The following WWOX variants were observed in gnomAD, a reference collection of about 807,000 sequenced individuals.
WWOX encodes the protein WW domain containing oxidoreductase.
A neutral mutation model predicts 46.2 loss-of-function variants in WWOX; 69 were observed. The observed-to-expected ratio is 1.49, with a 90% CI of 1.23 to 1.82. The LOEUF (loss-of-function observed/expected upper bound fraction) is 1.82. Among genes scored for constraint, WWOX ranks in the 40% most tolerant of loss-of-function variants. The pLI, the probability that WWOX is intolerant of heterozygous loss-of-function variation, is 0.00. For missense variants in WWOX, 919 were observed against 542.6 expected (o/e 1.69, Z -6.89); for synonymous variants, 359 against 202.6 (o/e 1.77, Z -6.56).
intron 8 of WWOX, among the ~76,000 whole-genome samples, chr16:79,167,981 A>C (rs908196525): frequency 6.6e-6 from 1 of 152,198 alleles, no homozygotes; most frequent in African/African-American, 2.4e-5. Context: ...ATCAAAGAAT[A>C]TGTGACCTTT....
chr16:78,715,495 G>C (rs1243972860), intron 8 of WWOX, among the ~76,000 whole-genome samples: 9 of 82,996 alleles, frequency 1.1e-4, no homozygotes, highest in African/African-American at 4.1e-4. Flanking sequence ...TTTTGTTTTT[G>C]TTTTTTAAGA....
At chr16:78,555,940 A>G (rs1173486171) in intron 8 of WWOX, among the ~76,000 whole-genome samples, 1 of 152,188 alleles carries the variant, frequency 6.6e-6, no homozygotes, top group Non-Finnish European at 1.5e-5. Context: ...TGTGATAATA[A>G]TAAATCGCTG....
At chr16:78,234,369 A>G (rs924719362) in intron 5 of WWOX, among the ~76,000 whole-genome samples, 1 of 152,194 alleles carries the variant, frequency 6.6e-6, no homozygotes, top group African/African-American at 2.4e-5. Flanking sequence ...GTGATATATC[A>G]TATGAATATA....
At chr16:78,447,252 A>G (rs1306570586) in intron 8 of WWOX, among the ~76,000 whole-genome samples, 1 of 152,212 alleles carries the variant, frequency 6.6e-6, no homozygotes, top group Non-Finnish European at 1.5e-5. Context: ...GTAACTCTGT[A>G]CATTTACTCC....
chr16:79,035,463 T>C (rs1174450131), intron 8 of WWOX, among the ~76,000 whole-genome samples: 2 of 151,934 alleles, frequency 1.3e-5, no homozygotes, highest in Admixed American at 6.6e-5. Flanking sequence ...AAGTGGAAGG[T>C]GTACTCCGGC....
At chr16:79,022,744 C>A (rs538396051) in intron 8 of WWOX, among the ~76,000 whole-genome samples, 1 of 152,182 alleles carries the variant, frequency 6.6e-6, no homozygotes, top group Admixed American at 6.5e-5. Context: ...AGTGGCCCCC[C>A]ACCAAGCCCG....
chr16:78,587,367 T>C (rs912340738), intron 8 of WWOX, among the ~76,000 whole-genome samples: 4 of 151,966 alleles, frequency 2.6e-5, no homozygotes, highest in African/African-American at 9.7e-5. Flanking sequence ...AAATAAAATT[T>C]CAGAGAAAGC....
intron 5 of WWOX, among the ~76,000 whole-genome samples, chr16:78,359,849 G>C (rs1044552497): frequency 2.0e-5 from 3 of 152,136 alleles, no homozygotes; most frequent in African/African-American, 7.2e-5. Context: ...GGTGACTATG[G>C]ACTTAATTTT....
chr16:78,861,154 C>T (rs1212849122), intron 8 of WWOX, among the ~76,000 whole-genome samples: 1 of 152,086 alleles, frequency 6.6e-6, no homozygotes, highest in Non-Finnish European at 1.5e-5. Context: ...CCTTTCCTCC[C>T]TCTCTCTCTT....
intron 8 of WWOX, among the ~76,000 whole-genome samples, chr16:78,600,589 G>T (rs1158998287): frequency 6.6e-6 from 1 of 152,128 alleles, no homozygotes; most frequent in Non-Finnish European, 1.5e-5. Flanking sequence ...AGTCCAGAGA[G>T]GTGAAGGACC....
At chr16:79,033,822 G>A (rs1235623873) in intron 8 of WWOX, among the ~76,000 whole-genome samples, 1 of 152,368 alleles carries the variant, frequency 6.6e-6, no homozygotes, top group Admixed American at 6.5e-5. Flanking sequence ...AGTGTGTGAT[G>A]TGTTCTTTTG....
intron 8 of WWOX, among the ~76,000 whole-genome samples, chr16:79,206,937 G>C (rs965287717): frequency 2.6e-5 from 4 of 152,178 alleles, no homozygotes; most frequent in Non-Finnish European, 5.9e-5. Flanking sequence ...TTTTGGAGCA[G>C]TTTGCTTTCA....
intron 8 of WWOX, among the ~76,000 whole-genome samples, chr16:78,914,816 T>C (rs79488959): frequency 3.6e-4 from 53 of 148,134 alleles, no homozygotes; most frequent in African/African-American, 1.2e-3. Context: ...GAGGCGGAGC[T>C]TGCAGTGAGC....
chr16:78,754,281 G>C (rs939460715), intron 8 of WWOX, among the ~76,000 whole-genome samples: 9 of 152,042 alleles, frequency 5.9e-5, no homozygotes, highest in Admixed American at 2.0e-4. Flanking sequence ...CCACTGATGA[G>C]CAATCAGTGA....
intron 6 of WWOX, among the ~76,000 whole-genome samples, chr16:78,392,553 C>T (rs1391204015): frequency 6.6e-6 from 1 of 152,080 alleles, no homozygotes; most frequent in Non-Finnish European, 1.5e-5. Context: ...AATTGTCTTC[C>T]AGAAAACCAC....
intron 5 of WWOX, among the ~76,000 whole-genome samples, chr16:78,194,986 G>C (rs1485414295): frequency 6.6e-6 from 1 of 152,184 alleles, no homozygotes; most frequent in African/African-American, 2.4e-5. Flanking sequence ...TCTGTTGAAG[G>C]AGAAAATGAA....
At chr16:78,279,233 TA>T (rs533446328) in intron 5 of WWOX, among the ~76,000 whole-genome samples, 114 of 152,282 alleles carry the variant, frequency 7.5e-4, no homozygotes, top group African/African-American at 2.6e-3. Flanking sequence ...TGTGTTGTTT[TA>T]AAAAGGGCTA....
At chr16:78,676,486 G>A (rs2047603459) in intron 8 of WWOX, among the ~76,000 whole-genome samples, 1 of 150,844 alleles carries the variant, frequency 6.6e-6, no homozygotes, top group African/African-American at 2.4e-5. Context: ...CCCCACCTTT[G>A]GTGACTGGTG....
At chr16:78,574,270 A>G (rs1597289734) in intron 8 of WWOX, among the ~76,000 whole-genome samples, 1 of 152,198 alleles carries the variant, frequency 6.6e-6, no homozygotes, top group African/African-American at 2.4e-5. Context: ...TGTATACCTC[A>G]TCACATTTGC....
Sources: allele counts gnomAD v4.1 joint callset (sites outside exome capture counted in the v4.1 genomes callset), GRCh38; gene constraint gnomAD v4.1.1; transcripts MANE v1.5; gene names NCBI Gene and HGNC (gene_info 2026-07-23, HGNC 2026-07-21).